CUX1: variants seen among roughly 807,000 people sequenced by gnomAD.
The protein encoded by CUX1 is cut like homeobox 1, also known as protein CASP.
Under a neutral mutation model 158.8 loss-of-function variants are expected in CUX1, and 31 were observed. That is an observed-to-expected ratio of 0.20 (90% CI 0.15 to 0.26). CUX1 has a LOEUF of 0.26. CUX1 is among the 10% of genes least tolerant of loss of function. CUX1 has a pLI of 1.00. For synonymous variants in CUX1, 879 were observed against 862.1 expected (o/e 1.02, Z -0.34); for missense variants, 1,589 against 2,014.6 (o/e 0.79, Z 4.04).
At chr7:102,226,798 T>C (rs1415413600) in intron 20 of CUX1, among the ~76,000 whole-genome samples, 6 of 152,026 alleles carry the variant, frequency 3.9e-5, no homozygotes, top group African/African-American at 1.4e-4. Flanking sequence ...GCCTGGCTGA[T>C]TTTTGTATTT....
In CUX1 at chr7:102,250,435, C is replaced by G. The variant is rs559511725; in HGVS notation, c.*1393C>G. ...TCCCAGGGGAAGACACTCCCCAGGC[C>G]TGGGCAGGGCTTACACGCGCACTCT... On this transcript the variant is annotated 3_prime_UTR_variant, in exon 24 of 24. Coordinates refer to ENST00000292535, the MANE Select transcript of CUX1 (RefSeq NM_181552.4). The G allele has an allele frequency of 9.1e-6, 9 of 985,512 alleles. No homozygotes were observed. The African/African-American group carries it at 1.6e-4, about 17-fold the overall frequency. The allele number at this position is 985,512 out of a possible 1,614,324, so 61.0% of individuals were successfully genotyped here. A position where few individuals can be genotyped will look rare whatever the true frequency, so the allele number is the denominator to read the frequency against.
At chr7:101,953,102 C>T (rs1178641355) in intron 2 of CUX1, among the ~76,000 whole-genome samples, 1 of 152,168 alleles carries the variant, frequency 6.6e-6, no homozygotes, top group African/African-American at 2.4e-5. Flanking sequence ...CGAGTCAGCC[C>T]GCTGGGGTTC....
Position 101,978,576 on chromosome 7 carries a change from G to A in CUX1, c.142-49522G>A, listed in dbSNP as rs546235831. 9.8e-5 allele frequency among the ~76,000 whole-genome samples: 15 copies of A among 152,328 alleles called. No homozygotes were observed. In the South Asian group the frequency reaches 1.7e-3, roughly 17 times the overall value. ...CAGCGGCCTCAGTTTTATTTCTAACGAATGCAGTTCAGATCTTTCCGTCTC... is the reference window on the plus strand; with the variant it reads ...CAGCGGCCTCAGTTTTATTTCTAACAAATGCAGTTCAGATCTTTCCGTCTC... On this transcript the variant is annotated intron_variant, in intron 2 of 23. Coordinates refer to ENST00000292535, the MANE Select transcript of CUX1 (RefSeq NM_181552.4).
chr7:102,232,684 C>T (rs1310733332), intron 21 of CUX1, among the ~76,000 whole-genome samples: 1 of 148,380 alleles, frequency 6.7e-6, no homozygotes, highest in Non-Finnish European at 1.5e-5. Context: ...CGGAATGGCC[C>T]TCAGAGAAGT....
chr7:101,819,522 C>CT (rs946187223), intron 1 of CUX1, among the ~76,000 whole-genome samples: 1 of 152,104 alleles, frequency 6.6e-6, no homozygotes, highest in Non-Finnish European at 1.5e-5. Context: ...TTTCTGATGG[C>CT]TTTTTTTCCC....
intron 17 of CUX1, among the ~76,000 whole-genome samples, chr7:102,276,926 T>C (rs1791645828): frequency 6.6e-6 from 1 of 152,170 alleles, no homozygotes; most frequent in African/African-American, 2.4e-5. Context: ...CTGTACACTT[T>C]GAAATGCTGA....
At position 101,953,445 on chromosome 7, in the gene CUX1, G is replaced by A. The variant is rs1016257622; in HGVS notation, c.141+37220G>A. 2.6e-5 allele frequency among the ~76,000 whole-genome samples: 4 copies of A among 152,108 alleles called. 1 individual carries two copies. The highest frequency in any genetic ancestry group is 4.1e-4 in the South Asian group (2 of 4,826). ...GGCCTTCTCGTTGATGAAATTACAC[G>A]GTGAGTTGGTGAGCGAATTTACCTT... On this transcript the variant is annotated intron_variant, in intron 2 of 23. Coordinates refer to ENST00000292535, the MANE Select transcript of CUX1 (RefSeq NM_181552.4).
chr7:102,176,941 C>A (rs1457008344), intron 10 of CUX1, among the ~76,000 whole-genome samples: 1 of 126,850 alleles, frequency 7.9e-6, no homozygotes, highest in African/African-American at 3.1e-5. Flanking sequence ...ACAGATTTGA[C>A]TTTTTCCTTT....
intron 21 of CUX1, chr7:102,282,037 T>G: frequency 4.0e-6 from 3 of 753,116 alleles, no homozygotes; most frequent in Non-Finnish European, 2.3e-6. Context: ...GCTGCATCTC[T>G]AGCTTGCGGC....
intron 2 of CUX1, among the ~76,000 whole-genome samples, chr7:101,988,993 CAAAAAA>C (rs1010587831): frequency 1.3e-5 from 2 of 150,380 alleles, no homozygotes; most frequent in African/African-American, 4.9e-5. Context: ...GATCCTGTCT[CAAAAAA>C]AAAATAATAA....
chr7:101,910,744 CA>C (rs77729111), intron 1 of CUX1, among the ~76,000 whole-genome samples: 413 of 106,052 alleles, frequency 3.9e-3, no homozygotes, highest in Middle Eastern at 0.018. Flanking sequence ...AAGACTGTCT[CA>C]AAAAAAAAAA....
chr7:102,173,496 A>G (rs547412490), intron 10 of CUX1, among the ~76,000 whole-genome samples: 1 of 152,282 alleles, frequency 6.6e-6, no homozygotes, highest in South Asian at 2.1e-4. Context: ...TGGCTCTGTT[A>G]CAGTTCCTTC....
chr7:101,969,359 C>CAAAAAAAAAAAAAAAAAAAAAAAAAAAAG (rs10711703), intron 2 of CUX1, among the ~76,000 whole-genome samples: 1 of 56,112 alleles, frequency 1.8e-5, no homozygotes, highest in Non-Finnish European at 3.2e-5. Flanking sequence ...CAAAAAACAG[C>CAAAAAAAAAAAAAAAAAAAAAAAAAAAAG]AAAAAAAAAA....
intron 1 of CUX1, among the ~76,000 whole-genome samples, chr7:101,837,828 CAAAAAAAAAAAAA>C (rs200090006): frequency 3.6e-4 from 16 of 44,378 alleles, no homozygotes; most frequent in African/African-American, 1.3e-3. Context: ...GAGACCCTGT[CAAAAAAAAAAAAA>C]AAAAAAAAAA....
intron 9 of CUX1, among the ~76,000 whole-genome samples, chr7:102,163,271 A>G (rs1790653531): frequency 6.6e-6 from 1 of 151,018 alleles, no homozygotes; most frequent in Admixed American, 6.6e-5. Context: ...GCATCACTTG[A>G]GCCCATGAGT....
At chr7:101,911,393 T>C (rs968513366) in intron 1 of CUX1, among the ~76,000 whole-genome samples, 2 of 151,372 alleles carry the variant, frequency 1.3e-5, no homozygotes, top group Non-Finnish European at 2.9e-5. Flanking sequence ...GGCCTTGGCC[T>C]TGGCCCTGCC....
At chr7:101,876,870 T>TC (rs1799200124) in intron 1 of CUX1, among the ~76,000 whole-genome samples, 1 of 152,126 alleles carries the variant, frequency 6.6e-6, no homozygotes, top group African/African-American at 2.4e-5. Flanking sequence ...TGCCTCGGCC[T>TC]CCCAAAGTGC....
chr7:102,225,612 C>T (rs1798269431), intron 20 of CUX1, among the ~76,000 whole-genome samples: 1 of 152,146 alleles, frequency 6.6e-6, no homozygotes, highest in Non-Finnish European at 1.5e-5. Flanking sequence ...GCCTGTAAAC[C>T]CAGCACTTTG....
At position 102,055,293 on chromosome 7, in the gene CUX1, G is replaced by T. The variant is rs59116493; in HGVS notation, c.190-15046G>T. Among the ~76,000 whole-genome samples, 1,411 of 151,592 alleles carry T rather than the reference G, an allele frequency of 9.3e-3. 19 individuals are homozygous for T. The highest frequency in any genetic ancestry group is 0.032 in the African/African-American group (1,322 of 41,278). Reference sequence around the variant, plus strand: ...TGTTTTTTTACAGGGATACTTTGTTGCATTGAGCTCCACTTTTTTATGCTT... The same window carrying T: ...TGTTTTTTTACAGGGATACTTTGTTTCATTGAGCTCCACTTTTTTATGCTT... On this transcript the variant is annotated intron_variant, in intron 3 of 23. Coordinates refer to ENST00000292535, the MANE Select transcript of CUX1 (RefSeq NM_181552.4).
Sources: gnomAD v4.1 joint callset for allele counts (sites outside exome capture counted in the v4.1 genomes callset) on GRCh38, gnomAD v4.1.1 for gene constraint, MANE v1.5 for transcripts, NCBI Gene and HGNC (gene_info 2026-07-23, HGNC 2026-07-21) for gene names.